Variants in TNS1 observed in about 807,000 individuals in gnomAD.
TNS1 encodes the protein tensin-1.
In TNS1, 62 loss-of-function variants were observed where a neutral mutation model predicts 168.6. The ratio of observed to expected loss-of-function variants is 0.37; its 90% confidence interval spans 0.30 to 0.45. TNS1 has a LOEUF of 0.45. TNS1 is among the 20% of genes least tolerant of loss of function. The pLI, the probability that TNS1 is intolerant of heterozygous loss-of-function variation, is 1.00. For synonymous variants in TNS1, 934 were observed against 933.2 expected, an observed-to-expected ratio of 1.00 and a Z score of -0.02; for missense variants, 2,240 against 2,339.4, an observed-to-expected ratio of 0.96 and a Z score of 0.88.
chr2:217,838,591 G>A (rs1464027703), intron 19 of TNS1, among the ~76,000 whole-genome samples: 1 of 152,206 alleles, frequency 6.6e-6, no homozygotes, highest in Non-Finnish European at 1.5e-5. Flanking sequence ...CCACTCCCAC[G>A]GGGCCAGCCC....
chr2:217,901,359 T>C (rs1269458447), intron 6 of TNS1, among the ~76,000 whole-genome samples: 3 of 152,252 alleles, frequency 2.0e-5, no homozygotes, highest in Non-Finnish European at 4.4e-5. Context: ...GAGTTATGCA[T>C]ATAAGGCACT....
At chr2:218,019,412 G>A (rs568270878) in intron 1 of TNS1, among the ~76,000 whole-genome samples, 1 of 152,342 alleles carries the variant, frequency 6.6e-6, no homozygotes, top group African/African-American at 2.4e-5. Context: ...TGACTATAAT[G>A]AGGTGACACT....
intron 18 of TNS1, among the ~76,000 whole-genome samples, chr2:217,875,104 C>T (rs1357095176): frequency 6.6e-6 from 1 of 152,200 alleles, no homozygotes; most frequent in Non-Finnish European, 1.5e-5. Flanking sequence ...AGTGTGCAAG[C>T]CATGGTGTCT....
intron 4 of TNS1, among the ~76,000 whole-genome samples, chr2:217,910,702 CCACATA>C (rs1221653081): frequency 6.2e-5 from 8 of 128,210 alleles, no homozygotes; most frequent in Non-Finnish European, 9.9e-5. Context: ...TCTACAGCTA[CCACATA>C]CACATACACA....
chr2:217,993,805 G>C lies in TNS1; in HGVS notation c.34-2749C>G, dbSNP rs771141291. 2.2e-4 allele frequency among the ~76,000 whole-genome samples: 34 copies of C among 152,226 alleles called. 2 individuals carry two copies. Among genetic ancestry groups the C allele is most frequent in the Non-Finnish European group, 4.8e-4 (33 of 68,044 alleles). On this transcript the variant is annotated intron_variant, in intron 1 of 32. Transcript: ENST00000682258. ...TGATAGCGGGGCTGGTCAGGTAAGA[G>C]AGTCCTTGTAGAAAAATCAGGAAAG...
chr2:217,885,079 A>C lies in TNS1; in HGVS notation c.1202T>G (p.Leu401Arg). Reference sequence around the variant, plus strand: ...GTCCTCCTTCCCAAAGACAACCCCCAGGTCATGGATGGCACAGGTGTGGAA... The same window carrying C: ...GTCCTCCTTCCCAAAGACAACCCCCCGGTCATGGATGGCACAGGTGTGGAA... ...VQFHTCAIHDLGVVFGKEDLD... is the reference protein window; with the variant it reads ...VQFHTCAIHDRGVVFGKEDLD... Residue 401 changes from leucine (L) to arginine (R), a missense_variant, in exon 16 of 33, where the codon CTG becomes CGG. By Grantham distance (102) the Leu-to-Arg change is moderately radical. Coordinates refer to ENST00000682258, the MANE Select transcript of TNS1 (RefSeq NM_001387777.1). 1 of 1,614,224 alleles carries C rather than the reference A, an allele frequency of 6.2e-7. No homozygotes were observed.
chr2:217,809,174 TGGAG>T (rs200045351), intron 30 of TNS1, among the ~76,000 whole-genome samples: 1 of 21,596 alleles, frequency 4.6e-5, no homozygotes, highest in African/African-American at 3.5e-4. Flanking sequence ...AATGCAGGGA[TGGAG>T]GCATGGATGG....
chr2:217,932,867 G>T (rs753822827), intron 3 of TNS1, among the ~76,000 whole-genome samples: 1 of 152,178 alleles, frequency 6.6e-6, no homozygotes, highest in African/African-American at 2.4e-5. Context: ...AGATGGCAGC[G>T]ACAGGAGGCA....
chr2:217,915,597 C>A (rs550455885), intron 4 of TNS1, among the ~76,000 whole-genome samples: 1 of 152,212 alleles, frequency 6.6e-6, no homozygotes, highest in Non-Finnish European at 1.5e-5. Flanking sequence ...GACCCTCCCT[C>A]AAATCCCAAG....
At chr2:217,966,304 T>TGCGCGC (rs1440685045) in intron 3 of TNS1, among the ~76,000 whole-genome samples, 3 of 137,426 alleles carry the variant, frequency 2.2e-5, no homozygotes, top group African/African-American at 9.4e-5. Flanking sequence ...TGTGTGTGTG[T>TGCGCGC]GTGTGCGCGC....
At chr2:218,006,643 G>A (rs1465072086), upstream of TNS1, among the ~76,000 whole-genome samples, 1 of 152,056 alleles carries the variant, frequency 6.6e-6, no homozygotes, top group Non-Finnish European at 1.5e-5. Context: ...GGGTCACAAG[G>A]GCCTGGTGAG....
intron 22 of TNS1, chr2:217,830,400 A>C: frequency 6.2e-7 from 1 of 1,614,070 alleles, no homozygotes; most frequent in Non-Finnish European, 8.5e-7. Flanking sequence ...ACTAAGGAAA[A>C]AAGTAAAGTT....
At position 217,980,999 on chromosome 2, in the gene TNS1, G is replaced by A. The variant is rs183184325; in HGVS notation, c.149-2197C>T. Among the ~76,000 whole-genome samples the A allele has an allele frequency of 1.2e-4, 18 of 152,234 alleles. No individual in the cohort carries two copies. In the South Asian group the frequency reaches 2.9e-3, roughly 25 times the overall value. On this transcript the variant is annotated intron_variant, in intron 2 of 32. Transcript: ENST00000682258. Reference sequence around the variant, plus strand: ...TCCAATTATTCCTTTTCAGCACACCGGTTATTTCCTGGTTATTTTCTGAAG... The same window carrying A: ...TCCAATTATTCCTTTTCAGCACACCAGTTATTTCCTGGTTATTTTCTGAAG...
Position 217,865,515 on chromosome 2 carries a change from C to T in TNS1, c.1429+15383G>A, listed in dbSNP as rs557191392. ...TTCATATCAAAATCTGATCTCACTG[C>T]CCCTGGAGAAGGAGAAGAACACACA... On this transcript the variant is annotated intron_variant, in intron 18 of 32. Transcript: ENST00000682258. 2.5e-4 allele frequency among the ~76,000 whole-genome samples: 38 copies of T among 152,328 alleles called. No individual in the cohort carries two copies. In the South Asian group the frequency reaches 7.5e-3, roughly 30 times the overall value.
At chr2:217,918,258 G>A (rs1955305470) in intron 4 of TNS1, among the ~76,000 whole-genome samples, 1 of 152,216 alleles carries the variant, frequency 6.6e-6, no homozygotes, top group Non-Finnish European at 1.5e-5. Flanking sequence ...GGAGGTCCAG[G>A]GAGGTTAGCA....
Position 217,994,013 on chromosome 2 carries a change from G to A in TNS1, c.34-2957C>T, listed in dbSNP as rs151282614. 2.8e-3 allele frequency among the ~76,000 whole-genome samples: 422 copies of A among 152,296 alleles called. 1 individual carries two copies. The highest frequency in any genetic ancestry group is 4.5e-3 in the Non-Finnish European group (304 of 68,016). ...AGCCCAGGCTAGAAGTGGGGACTGC[G>A]GAGGGTGGGGAGCTGGAGCCCAGCA... is the stretch of plus-strand genomic sequence containing the variant. On this transcript the variant is annotated intron_variant, in intron 1 of 32. Coordinates refer to ENST00000682258, the MANE Select transcript of TNS1 (RefSeq NM_001387777.1).
chr2:217,876,097 C>T (rs947741375), intron 18 of TNS1, among the ~76,000 whole-genome samples: 4 of 152,172 alleles, frequency 2.6e-5, no homozygotes, highest in Admixed American at 2.6e-4. Context: ...TCAAGAGAAA[C>T]TCTAAACAAC....
intron 2 of TNS1, among the ~76,000 whole-genome samples, chr2:217,982,155 T>A (rs1464291134): frequency 6.6e-6 from 1 of 152,132 alleles, no homozygotes; most frequent in African/African-American, 2.4e-5. Context: ...GAGAGGGCCA[T>A]GTGGTGAGGG....
rs1452661164 is a variant in TNS1 at position 217,814,914 on chromosome 2, T to G, written c.4727A>C (p.Gln1576Pro). The change falls in exon 25 of 33, where the codon CAG becomes CCG. Residue 1576 changes from glutamine to proline, a missense_variant and splice_region_variant. Gln to Pro is a moderately conservative substitution (Grantham distance 76). This residue lies in a region of TNS1 where 2,131 missense variants were observed against 2,171.2 expected (regional missense o/e 0.98). Coordinates refer to ENST00000682258, the MANE Select transcript of TNS1 (RefSeq NM_001387777.1). ...YWYKPEISRE[Q>P]AIALLKDQEP... ...GCACCACAGAGCCCAGCACTCACCC[T>G]GCTCCCTGGAGATCTCAGGCTTGTA... 1.2e-6 allele frequency: 2 copies of G among 1,612,818 alleles called. No individual in the cohort carries two copies. The highest frequency in any genetic ancestry group is 2.2e-5 in the South Asian group (2 of 90,578).
Sources: gnomAD v4.1 joint callset for allele counts (sites outside exome capture counted in the v4.1 genomes callset) on GRCh38, gnomAD v4.1.1 for gene constraint, gnomAD v4.1.1 regional missense constraint, MANE v1.5 for transcripts, NCBI Gene and HGNC (gene_info 2026-07-23, HGNC 2026-07-21) for gene names.